CSMD3: variants seen among roughly 807,000 people sequenced by gnomAD.
The protein encoded by CSMD3 is CUB and sushi domain-containing protein 3.
Under a neutral mutation model 435.2 loss-of-function variants are expected in CSMD3, and 177 were observed. That is an observed-to-expected ratio of 0.41 (90% CI 0.36 to 0.46). The LOEUF (loss-of-function observed/expected upper bound fraction) is 0.46, where lower values mean the gene tolerates loss of function less well. Ranked by LOEUF, CSMD3 falls within the 20% of genes least tolerant of loss-of-function variation. The pLI, the probability that CSMD3 is intolerant of heterozygous loss-of-function variation, is 0.34. For synonymous variants in CSMD3, 1,656 were observed against 1,520.5 expected (o/e 1.09, Z -2.07); for missense variants, 4,265 against 4,504.6 (o/e 0.95, Z 1.52).
intron 16 of CSMD3, among the ~76,000 whole-genome samples, chr8:112,672,291 A>G (rs1057011685): frequency 2.6e-5 from 4 of 152,086 alleles, no homozygotes; most frequent in Admixed American, 1.3e-4. Context: ...TGTGTGGGGG[A>G]AAGTCAAGTG....
rs192219389 is a variant in CSMD3, at chr8:112,539,894, C to T, written c.4564+10777G>A. ...TACAGGCAACACAAGCAAAACTAAA[C>T]GAATGTGATTATATCAAACTAAACA... On this transcript the variant is annotated intron_variant, in intron 27 of 70. Transcript: ENST00000297405. Among the ~76,000 whole-genome samples, 152 of 151,962 alleles carry T rather than the reference C, an allele frequency of 1.0e-3. 1 individual carries two copies. Among genetic ancestry groups the T allele is most frequent in the Non-Finnish European group, 1.8e-4 (12 of 67,902 alleles).
chr8:113,049,356 T>G lies in CSMD3; in HGVS notation c.918-30177A>C, dbSNP rs150797172. ...TGCCCAGGGGCCCATATCCTAGACA[T>G]TCCTGACTACTAAGTTGCACTCTTT... is the stretch of plus-strand genomic sequence containing the variant. On this transcript the variant is annotated intron_variant, in intron 5 of 70. Coordinates refer to ENST00000297405, the MANE Select transcript of CSMD3 (RefSeq NM_198123.2). Among the ~76,000 whole-genome samples, 7 of 151,946 alleles carry G rather than the reference T, an allele frequency of 4.6e-5. No homozygotes were observed. In the East Asian group the frequency reaches 1.4e-3, roughly 29 times the overall value.
intron 3 of CSMD3, among the ~76,000 whole-genome samples, chr8:113,275,629 A>G (rs1307744551): frequency 6.6e-6 from 1 of 152,058 alleles, no homozygotes; most frequent in Non-Finnish European, 1.5e-5. Flanking sequence ...AAAATAGTAA[A>G]TGATTATATA....
chr8:112,281,064 C>T (rs1818577837), intron 59 of CSMD3, 110 bp downstream of exon 59: 5 of 804,070 alleles, frequency 6.2e-6, no homozygotes, highest in Admixed American at 4.4e-5. Context: ...GCAGTACAAA[C>T]AGTTAAAACC....
chr8:113,150,195 T>C (rs1050679458), intron 4 of CSMD3, among the ~76,000 whole-genome samples: 3 of 151,954 alleles, frequency 2.0e-5, no homozygotes, highest in Non-Finnish European at 4.4e-5. Context: ...GTGAATACAA[T>C]GGTATATCAC....
At chr8:113,417,535 G>A (rs1468507167) in intron 1 of CSMD3, among the ~76,000 whole-genome samples, 1 of 151,924 alleles carries the variant, frequency 6.6e-6, no homozygotes, top group Non-Finnish European at 1.5e-5. Flanking sequence ...ATTGTTTTAT[G>A]CCCCGAAGAA....
intron 4 of CSMD3, among the ~76,000 whole-genome samples, chr8:113,145,893 C>T (rs2091662819): frequency 6.6e-6 from 1 of 151,406 alleles, no homozygotes; most frequent in African/African-American, 2.4e-5. Flanking sequence ...GGGAGAGAAT[C>T]CATGTGAAAC....
chr8:112,940,183 G>A (rs186981205), intron 9 of CSMD3, among the ~76,000 whole-genome samples: 179 of 151,900 alleles, frequency 1.2e-3, no homozygotes, highest in African/African-American at 4.0e-3. Context: ...ACATTATACA[G>A]TAGTGTTTTA....
At chr8:112,332,510 A>G (rs1218625096) in intron 45 of CSMD3, among the ~76,000 whole-genome samples, 1 of 152,128 alleles carries the variant, frequency 6.6e-6, no homozygotes, top group Non-Finnish European at 1.5e-5. Flanking sequence ...ATTAGATTTA[A>G]TGTAGGCCTC....
At chr8:113,174,551 T>A (rs1208609249) in intron 3 of CSMD3, among the ~76,000 whole-genome samples, 2 of 152,020 alleles carry the variant, frequency 1.3e-5, no homozygotes, top group Admixed American at 1.3e-4. Context: ...AAATGATATA[T>A]CAGAATGTTT....
chr8:112,680,430 CA>C (rs1357897657), intron 16 of CSMD3, among the ~76,000 whole-genome samples: 1 of 152,120 alleles, frequency 6.6e-6, no homozygotes, highest in Non-Finnish European at 1.5e-5. Context: ...AAAGCCGGAT[CA>C]AAAACTATGT....
intron 5 of CSMD3, among the ~76,000 whole-genome samples, chr8:113,098,290 ATAT>A (rs2090224115): frequency 6.6e-6 from 1 of 152,056 alleles, no homozygotes; most frequent in Admixed American, 6.6e-5. Context: ...TACTTTAAAA[ATAT>A]TATGTCTTAA....
At chr8:112,821,967 T>C (rs2079542727) in intron 12 of CSMD3, among the ~76,000 whole-genome samples, 1 of 152,112 alleles carries the variant, frequency 6.6e-6, no homozygotes, top group Non-Finnish European at 1.5e-5. Flanking sequence ...TGTAGATGTG[T>C]GATGTTATTT....
At chr8:112,763,492 C>A (rs1458212968) in intron 13 of CSMD3, among the ~76,000 whole-genome samples, 2 of 149,682 alleles carry the variant, frequency 1.3e-5, no homozygotes, top group African/African-American at 2.4e-5. Flanking sequence ...CCATTTTATT[C>A]AAATAATATT....
At chr8:112,962,780 T>C (rs2084278610) in intron 7 of CSMD3, among the ~76,000 whole-genome samples, 1 of 151,974 alleles carries the variant, frequency 6.6e-6, no homozygotes. Context: ...ATCTATGTTT[T>C]ATATTTCCCT....
At chr8:112,385,159 A>C (rs1829820037) in intron 36 of CSMD3, among the ~76,000 whole-genome samples, 1 of 152,212 alleles carries the variant, frequency 6.6e-6, no homozygotes. Flanking sequence ...AGCTAAATAC[A>C]AGAGAACTTA....
intron 3 of CSMD3, among the ~76,000 whole-genome samples, chr8:113,245,860 A>C (rs1382907878): frequency 6.6e-6 from 1 of 151,982 alleles, no homozygotes; most frequent in African/African-American, 2.4e-5. Flanking sequence ...GAAATGTATT[A>C]ATTTATTCTT....
chr8:112,449,869 C>T (rs989149219), intron 32 of CSMD3, among the ~76,000 whole-genome samples: 1 of 152,042 alleles, frequency 6.6e-6, no homozygotes, highest in Non-Finnish European at 1.5e-5. Flanking sequence ...CTTACAGGCA[C>T]CCGCCACCAC....
intron 5 of CSMD3, among the ~76,000 whole-genome samples, chr8:113,071,811 C>T (rs2089135163): frequency 6.6e-6 from 1 of 151,594 alleles, no homozygotes; most frequent in African/African-American, 2.4e-5. Context: ...TTCAGGGATC[C>T]ATATCAATTT....
Sources: gnomAD v4.1 joint callset for allele counts (sites outside exome capture counted in the v4.1 genomes callset) on GRCh38, gnomAD v4.1.1 for gene constraint, MANE v1.5 for transcripts, NCBI Gene and HGNC (gene_info 2026-07-23, HGNC 2026-07-21) for gene names.